SPAG16: variants seen among roughly 807,000 people sequenced by gnomAD.
The protein encoded by SPAG16 is sperm associated antigen 16, also known as sperm-associated antigen 16 protein.
Under a neutral mutation model 80.4 loss-of-function variants are expected in SPAG16, and 86 were observed. The ratio of observed to expected loss-of-function variants is 1.07; its 90% CI spans 0.90 to 1.28. The LOEUF is 1.28. Among genes scored for constraint, SPAG16 ranks in the 50% most tolerant of loss-of-function variants. SPAG16 has a pLI of 0.00. For synonymous variants in SPAG16, 294 were observed against 265.9 expected, an observed-to-expected ratio of 1.11 and a Z score of -1.03; for missense variants, 870 against 765.3, an observed-to-expected ratio of 1.14 and a Z score of -1.61.
chr2:214,042,330 C>A (rs2049079506), intron 13 of SPAG16, among the ~76,000 whole-genome samples: 2 of 151,772 alleles, frequency 1.3e-5, no homozygotes, highest in South Asian at 4.2e-4. Context: ...TAGTTTGGTG[C>A]AAAAGTTATT....
chr2:213,877,334 A>G (rs1023206964), intron 11 of SPAG16, among the ~76,000 whole-genome samples: 3 of 152,034 alleles, frequency 2.0e-5, no homozygotes, highest in African/African-American at 4.8e-5. Flanking sequence ...TTTTGAGACA[A>G]GGTCTCACTT....
intron 10 of SPAG16, among the ~76,000 whole-genome samples, chr2:213,580,669 A>C (rs1474836887): frequency 6.6e-6 from 1 of 152,154 alleles, no homozygotes; most frequent in Non-Finnish European, 1.5e-5. Context: ...CAGAAGAATA[A>C]AAAAGTCATC....
chr2:213,725,992 G>A (rs2066753103), intron 10 of SPAG16, among the ~76,000 whole-genome samples: 1 of 152,098 alleles, frequency 6.6e-6, no homozygotes, highest in Admixed American at 6.5e-5. Flanking sequence ...CTCTTTTTCG[G>A]CATTTCTCAA....
intron 10 of SPAG16, among the ~76,000 whole-genome samples, chr2:213,525,011 C>A (rs889684483): frequency 2.0e-5 from 3 of 152,082 alleles, no homozygotes; most frequent in South Asian, 2.1e-4. Flanking sequence ...ATTGCAGTTC[C>A]CATAATCCCC....
At chr2:213,840,736 G>C (rs956959679) in intron 10 of SPAG16, among the ~76,000 whole-genome samples, 1 of 152,140 alleles carries the variant, frequency 6.6e-6, no homozygotes, top group Non-Finnish European at 1.5e-5. Context: ...AGTGAGATGG[G>C]GGTGGCATGG....
chr2:214,016,309 C>T (rs923930592), intron 13 of SPAG16, among the ~76,000 whole-genome samples: 3 of 152,154 alleles, frequency 2.0e-5, no homozygotes, highest in Admixed American at 2.0e-4. Flanking sequence ...TACATGGCAG[C>T]ATGCAAGAGA....
intron 10 of SPAG16, among the ~76,000 whole-genome samples, chr2:213,734,089 GA>G (rs2067181653): frequency 6.6e-6 from 1 of 152,124 alleles, no homozygotes; most frequent in Non-Finnish European, 1.5e-5. Flanking sequence ...AAATTCTGGG[GA>G]AAGTCCAGTT....
chr2:213,613,764 A>G (rs2061510448), intron 10 of SPAG16, among the ~76,000 whole-genome samples: 1 of 152,056 alleles, frequency 6.6e-6, no homozygotes, highest in Non-Finnish European at 1.5e-5. Flanking sequence ...CTGTAGCTCC[A>G]GTTCTTGATG....
intron 10 of SPAG16, among the ~76,000 whole-genome samples, chr2:213,682,508 G>A (rs893069547): frequency 2.0e-5 from 3 of 152,218 alleles, no homozygotes; most frequent in African/African-American, 7.2e-5. Context: ...CCTGAGAGGG[G>A]CATCTGGCCA....
At chr2:213,619,835 C>T (rs758301300) in intron 10 of SPAG16, among the ~76,000 whole-genome samples, 3 of 152,068 alleles carry the variant, frequency 2.0e-5, no homozygotes, top group Admixed American at 6.5e-5. Context: ...GAAAGGAAGT[C>T]GGTATATTTA....
intron 10 of SPAG16, among the ~76,000 whole-genome samples, chr2:213,848,630 A>C (rs1368043533): frequency 3.3e-5 from 5 of 152,156 alleles, no homozygotes; most frequent in Admixed American, 6.6e-5. Flanking sequence ...ATTTGTGTTC[A>C]TGGAGTAATT....
chr2:213,504,920 CA>C (rs1364184054), intron 10 of SPAG16, among the ~76,000 whole-genome samples: 1 of 152,152 alleles, frequency 6.6e-6, no homozygotes, highest in Admixed American at 6.5e-5. Context: ...CCCAGATTGG[CA>C]AAAAATTCAT....
chr2:214,005,636 G>A (rs78317959), intron 12 of SPAG16, among the ~76,000 whole-genome samples: 3,866 of 152,174 alleles, frequency 0.025, 164 homozygotes, highest in African/African-American at 0.089. Context: ...CGTCTCCACT[G>A]AATAACCAAC....
chr2:213,478,853 A>G (rs572141997), intron 9 of SPAG16, among the ~76,000 whole-genome samples: 18 of 152,170 alleles, frequency 1.2e-4, no homozygotes, highest in Non-Finnish European at 2.2e-4. Context: ...AGAATCTTCA[A>G]TTTAACCAAT....
intron 9 of SPAG16, among the ~76,000 whole-genome samples, chr2:213,376,145 A>C (rs7340182): frequency 3.8e-4 from 57 of 151,806 alleles, no homozygotes; most frequent in African/African-American, 1.4e-3. Context: ...ATAATTATAG[A>C]TTATCGTATG....
chr2:214,382,552 G>A (rs1419468967), intron 15 of SPAG16, among the ~76,000 whole-genome samples: 1 of 152,178 alleles, frequency 6.6e-6, no homozygotes, highest in African/African-American at 2.4e-5. Context: ...GGAGGAGGGT[G>A]TGCTTGAAAA....
chr2:213,940,116 C>A (rs1166995998), intron 12 of SPAG16, among the ~76,000 whole-genome samples: 3 of 151,890 alleles, frequency 2.0e-5, no homozygotes, highest in Non-Finnish European at 4.4e-5. Context: ...AAACTAGAAA[C>A]ACAAAACATA....
chr2:213,886,752 T>C (rs976057094), intron 11 of SPAG16, among the ~76,000 whole-genome samples: 1 of 151,222 alleles, frequency 6.6e-6, no homozygotes. Flanking sequence ...AAAAAAAAAC[T>C]TGGAAATCAA....
At chr2:213,769,048 G>A (rs2069103778) in intron 10 of SPAG16, among the ~76,000 whole-genome samples, 2 of 152,070 alleles carry the variant, frequency 1.3e-5, no homozygotes, top group South Asian at 4.2e-4. Flanking sequence ...AAAGGGTGAG[G>A]TCAGGTAGGA....
Sources: gnomAD v4.1 joint callset for allele counts (sites outside exome capture counted in the v4.1 genomes callset) on GRCh38, gnomAD v4.1.1 for gene constraint, MANE v1.5 for transcripts, NCBI Gene and HGNC (gene_info 2026-07-23, HGNC 2026-07-21) for gene names.